Variants in PTPRA observed in about 807,000 individuals in gnomAD.
PTPRA encodes protein tyrosine phosphatase receptor type A, also known as receptor-type tyrosine-protein phosphatase alpha.
A neutral mutation model predicts 104.8 loss-of-function variants in PTPRA; 25 were observed. That is an observed-to-expected ratio of 0.24 (90% CI 0.17 to 0.33). PTPRA has a LOEUF of 0.33. Among genes scored for constraint, PTPRA ranks in the 10% least tolerant of loss-of-function variants. PTPRA has a pLI of 1.00. For synonymous variants in PTPRA, 323 were observed against 368.9 expected, an observed-to-expected ratio of 0.88 and a Z score of 1.43; for missense variants, 765 against 1,015.3, an observed-to-expected ratio of 0.75 and a Z score of 3.35.
At chr20:2,960,343 G>A (rs541278026) in intron 3 of PTPRA, among the ~76,000 whole-genome samples, 3 of 149,860 alleles carry the variant, frequency 2.0e-5, no homozygotes, top group South Asian at 2.1e-4. Flanking sequence ...TCCACCTCCC[G>A]GGTTCATGCC....
chr20:3,037,130 G>C lies in PTPRA; in HGVS notation c.2199-24G>C. 6.2e-7 allele frequency: 1 copy of C among 1,611,506 alleles called. No homozygotes were observed. Among genetic ancestry groups the C allele is most frequent in the East Asian group, 2.2e-5 (1 of 44,858 alleles). On this transcript the variant is annotated intron_variant, in intron 22 of 23. Transcript: ENST00000399903. This position sits in a 1 kb window ranked among gnomAD's most constrained non-coding sequence, Gnocchi z 4.3. ...TGCACAGAGGGCCATCACAGGTGTG[G>C]TAAATGTGTCTGCTCTGTTGCAGCG...
At chr20:2,993,696 T>C in intron 9 of PTPRA, among the ~76,000 whole-genome samples, 1 of 152,246 alleles carries the variant, frequency 6.6e-6, no homozygotes. Flanking sequence ...GCGGTTCACA[T>C]GGAGACTTCG....
At chr20:2,905,650 G>A (rs79473014) in intron 1 of PTPRA, among the ~76,000 whole-genome samples, 6,335 of 148,398 alleles carry the variant, frequency 0.043, 318 homozygotes, top group Admixed American at 0.11. Context: ...AATTGTGGGC[G>A]TGAATATTTT....
intron 6 of PTPRA, among the ~76,000 whole-genome samples, 189 bp from the exon 7 acceptor site, chr20:2,986,576 C>T (rs1250279051): frequency 6.6e-6 from 1 of 152,186 alleles, no homozygotes; most frequent in African/African-American, 2.4e-5. Flanking sequence ...GCTCTCTCCC[C>T]ACCTCACCTC....
Position 2,988,465 on chromosome 20 carries a change from G to A in PTPRA, c.729G>A (p.Glu243=), listed in dbSNP as rs148940260. Residue 243 remains glutamate (E), a synonymous_variant, in exon 9 of 24, where the codon GAG becomes GAA. Transcript: ENST00000399903. ...RMADDNKLFR[E]EFNALPACPI... is the part of the protein sequence containing the mutation. ...CAGACGACAATAAGCTCTTCAGGGA[G>A]GAATTCAACGTGAGTACTTTGTTGA... 4.3e-6 allele frequency: 7 copies of A among 1,612,756 alleles called. No individual in the cohort carries two copies. Among genetic ancestry groups the A allele is most frequent in the Admixed American group, 3.4e-5 (2 of 59,390 alleles).
At chr20:2,895,103 G>C (rs1600074564) in intron 1 of PTPRA, among the ~76,000 whole-genome samples, 1 of 151,662 alleles carries the variant, frequency 6.6e-6, no homozygotes, top group East Asian at 1.9e-4. Flanking sequence ...TTTAGACAGA[G>C]TCTTGATCTG....
At chr20:2,939,081 A>G (rs2060809880) in intron 2 of PTPRA, among the ~76,000 whole-genome samples, 1 of 152,166 alleles carries the variant, frequency 6.6e-6, no homozygotes, top group Admixed American at 6.6e-5. Flanking sequence ...ACTGTGGTTC[A>G]GTTTTCAGTC....
At chr20:2,884,921 T>C (rs2146887424) in intron 1 of PTPRA, among the ~76,000 whole-genome samples, 1 of 151,764 alleles carries the variant, frequency 6.6e-6, no homozygotes, top group East Asian at 2.0e-4. Flanking sequence ...GCCATTCTCC[T>C]GCCTCAGCCT....
chr20:3,007,227 T>C lies in PTPRA; in HGVS notation c.830-117T>C, dbSNP rs2063917424. The C allele has an allele frequency of 4.2e-6, 4 of 956,354 alleles. No individual in the cohort carries two copies. In the Admixed American group the frequency reaches 7.4e-5, roughly 18 times the overall value. 59.2% of individuals were successfully genotyped at this position (956,354 alleles called of 1,614,324 possible). On this transcript the variant is annotated intron_variant, in intron 10 of 23. Coordinates refer to ENST00000399903, the MANE Select transcript of PTPRA (RefSeq NM_001385305.1). ...GGAGTTATATTGTTGGAGTGGCATC[T>C]TTATACAAGCGTGAGTCTGTGCACA... is the stretch of plus-strand genomic sequence containing the variant.
intron 1 of PTPRA, among the ~76,000 whole-genome samples, chr20:2,878,332 C>T (rs558543358): frequency 5.3e-5 from 8 of 152,228 alleles, no homozygotes; most frequent in Admixed American, 5.2e-4. Context: ...CCCATCTCAG[C>T]CACCTGAATA....
intron 3 of PTPRA, among the ~76,000 whole-genome samples, chr20:2,957,333 T>C (rs1405478695): frequency 6.6e-6 from 1 of 152,230 alleles, no homozygotes; most frequent in Non-Finnish European, 1.5e-5. Flanking sequence ...TCTTTGATCA[T>C]CAGTGAGGTT....
At chr20:3,000,139 T>C (rs926687709) in intron 9 of PTPRA, among the ~76,000 whole-genome samples, 1 of 151,700 alleles carries the variant, frequency 6.6e-6, no homozygotes, top group African/African-American at 2.4e-5. Flanking sequence ...ACAAAAAAAA[T>C]TAGCCAGGTG....
At chr20:3,005,492 A>T (rs1246738431) in intron 10 of PTPRA, among the ~76,000 whole-genome samples, 1 of 152,212 alleles carries the variant, frequency 6.6e-6, no homozygotes, top group Non-Finnish European at 1.5e-5. Flanking sequence ...CAGAGGTTGC[A>T]GTGACCCAAG....
intron 9 of PTPRA, among the ~76,000 whole-genome samples, chr20:3,001,615 G>A (rs556345204): frequency 6.6e-6 from 1 of 152,314 alleles, no homozygotes; most frequent in South Asian, 2.1e-4. Context: ...TGAAGGAAGA[G>A]AATGCAAACT....
At chr20:2,939,896 G>T (rs1225439389) in intron 2 of PTPRA, among the ~76,000 whole-genome samples, 1 of 152,134 alleles carries the variant, frequency 6.6e-6, no homozygotes, top group South Asian at 2.1e-4. Flanking sequence ...CACCTGAGGT[G>T]AGGAGTTCGA....
intron 2 of PTPRA, among the ~76,000 whole-genome samples, chr20:2,944,459 C>G (rs1316440414): frequency 1.3e-5 from 2 of 152,178 alleles, no homozygotes; most frequent in South Asian, 4.1e-4. Context: ...GATTGGGCCT[C>G]TCTCTTAACG....
chr20:2,886,274 CTCCTT>C (rs568750550), intron 1 of PTPRA, among the ~76,000 whole-genome samples: 60 of 152,192 alleles, frequency 3.9e-4, no homozygotes, highest in African/African-American at 1.3e-3. Context: ...AAAAGAAAGA[CTCCTT>C]TCTCTTACAG....
At chr20:3,012,815 A>G (rs1296024402) in intron 11 of PTPRA, among the ~76,000 whole-genome samples, 1 of 152,182 alleles carries the variant, frequency 6.6e-6, no homozygotes, top group African/African-American at 2.4e-5. Flanking sequence ...TTGAGGTATA[A>G]TATATATAAC....
At chr20:2,867,022 C>T in the PTPRA span, among the ~76,000 whole-genome samples, 10 of 152,250 alleles carry the variant, frequency 6.6e-5, no homozygotes, top group African/African-American at 1.4e-4. Context: ...GCAAGAACCA[C>T]GCTAAACACT....
Sources: allele counts gnomAD v4.1 joint callset (sites outside exome capture counted in the v4.1 genomes callset), GRCh38; gene constraint gnomAD v4.1.1; non-coding constraint Gnocchi (gnomAD v3.1); transcripts MANE v1.5; gene names NCBI Gene and HGNC (gene_info 2026-07-23, HGNC 2026-07-21).